The following MAGI2 variants were observed in gnomAD, a reference collection of about 807,000 sequenced individuals.
MAGI2 encodes membrane-associated guanylate kinase, WW and PDZ domain-containing protein 2.
MAGI2 carries 35 observed loss-of-function variants against 133.3 expected under a neutral mutation model. The ratio of observed to expected loss-of-function variants is 0.26; its 90% CI spans 0.20 to 0.35. The LOEUF is 0.35. MAGI2 is among the 10% of genes least tolerant of loss of function. The pLI is 1.00. For synonymous variants in MAGI2, 729 were observed against 710.6 expected (o/e 1.03, Z -0.41); for missense variants, 1,636 against 1,863.4 (o/e 0.88, Z 2.25).
intron 2 of MAGI2, among the ~76,000 whole-genome samples, chr7:78,991,485 A>T (rs1243235319): frequency 6.6e-6 from 1 of 151,868 alleles, no homozygotes; most frequent in Non-Finnish European, 1.5e-5. Flanking sequence ...TTATGTTCAG[A>T]TATATATGTC....
At chr7:78,066,159 C>G (rs750974214) in intron 21 of MAGI2, among the ~76,000 whole-genome samples, 1 of 152,032 alleles carries the variant, frequency 6.6e-6, no homozygotes, top group Non-Finnish European at 1.5e-5. Flanking sequence ...TAAAACTTTG[C>G]GTATTAAATT....
chr7:78,859,176 G>T (rs1261285898), intron 2 of MAGI2, among the ~76,000 whole-genome samples: 2 of 151,988 alleles, frequency 1.3e-5, no homozygotes, highest in Non-Finnish European at 2.9e-5. Context: ...ACACTGATGG[G>T]TATTCACTCT....
At chr7:78,535,894 C>T (rs1001028271) in intron 3 of MAGI2, among the ~76,000 whole-genome samples, 2 of 150,680 alleles carry the variant, frequency 1.3e-5, no homozygotes, top group Non-Finnish European at 3.0e-5. Context: ...CACCGCCTCC[C>T]CCCAACACTC....
At chr7:78,072,984 A>C (rs1814871670) in intron 21 of MAGI2, 1 of 398,552 alleles carries the variant, frequency 2.5e-6, no homozygotes, top group Non-Finnish European at 4.4e-6. Flanking sequence ...AAAGAAGAAT[A>C]AACAAATGAC....
At chr7:78,138,985 T>C (rs1822465905) in intron 16 of MAGI2, among the ~76,000 whole-genome samples, 1 of 152,336 alleles carries the variant, frequency 6.6e-6, no homozygotes, top group Non-Finnish European at 1.5e-5. Context: ...GACTTCAAGA[T>C]GAAAGTTTCA....
chr7:78,968,051 G>A (rs1039058176), intron 2 of MAGI2, among the ~76,000 whole-genome samples: 1 of 152,076 alleles, frequency 6.6e-6, no homozygotes, highest in South Asian at 2.1e-4. Context: ...GGCTGGTCTT[G>A]AACTCCTGAG....
At chr7:79,214,417 A>C (rs1352139486) in intron 1 of MAGI2, among the ~76,000 whole-genome samples, 190 of 115,336 alleles carry the variant, frequency 1.6e-3, no homozygotes, top group Middle Eastern at 4.2e-3. Context: ...CTATATATAT[A>C]TATATATATA....
chr7:78,877,773 C>A (rs376659608), intron 2 of MAGI2, among the ~76,000 whole-genome samples: 2 of 152,186 alleles, frequency 1.3e-5, no homozygotes, highest in African/African-American at 4.8e-5. Flanking sequence ...CATCTCTCCC[C>A]TCCACACTAT....
chr7:78,788,161 G>T (rs1826985632), intron 2 of MAGI2, among the ~76,000 whole-genome samples: 1 of 152,148 alleles, frequency 6.6e-6, no homozygotes, highest in Admixed American at 6.5e-5. Context: ...CCAATCACGT[G>T]CTTTGGGAAA....
chr7:79,324,886 A>G (rs1399389203), intron 1 of MAGI2, among the ~76,000 whole-genome samples: 1 of 151,008 alleles, frequency 6.6e-6, no homozygotes, highest in Non-Finnish European at 1.5e-5. Context: ...TATACAAAGA[A>G]ACAAACAAAA....
At chr7:78,064,933 CT>C (rs1213545990) in intron 21 of MAGI2, among the ~76,000 whole-genome samples, 1 of 151,984 alleles carries the variant, frequency 6.6e-6, no homozygotes, top group African/African-American at 2.4e-5. Context: ...GAGAATATTC[CT>C]TTTGAAACAG....
intron 1 of MAGI2, among the ~76,000 whole-genome samples, chr7:79,355,619 C>T (rs1009935780): frequency 1.3e-5 from 2 of 152,136 alleles, no homozygotes; most frequent in East Asian, 3.9e-4. Context: ...AGTTGCAGGG[C>T]CTTTCACACA....
At chr7:78,417,541 T>G (rs1798414855) in intron 6 of MAGI2, among the ~76,000 whole-genome samples, 1 of 152,162 alleles carries the variant, frequency 6.6e-6, no homozygotes, top group African/African-American at 2.4e-5. Context: ...TTTATTTTCA[T>G]GTTTGTTTCC....
At chr7:78,210,043 T>A (rs1046971114) in intron 10 of MAGI2, among the ~76,000 whole-genome samples, 3 of 152,218 alleles carry the variant, frequency 2.0e-5, no homozygotes, top group Non-Finnish European at 4.4e-5. Context: ...TCAAGTTTCC[T>A]TATTATAGTT....
intron 9 of MAGI2, among the ~76,000 whole-genome samples, chr7:78,293,270 C>G (rs893612583): frequency 3.3e-5 from 5 of 152,086 alleles, no homozygotes; most frequent in African/African-American, 1.2e-4. Context: ...GAAAAGTAGG[C>G]AAAGGATGTG....
chr7:78,950,948 T>C (rs1022332051), intron 2 of MAGI2, among the ~76,000 whole-genome samples: 2 of 151,376 alleles, frequency 1.3e-5, no homozygotes, highest in Non-Finnish European at 2.9e-5. Flanking sequence ...TGAGTCTTTG[T>C]CTCTCCCACC....
chr7:78,561,471 G>A (rs1419191476), intron 3 of MAGI2, among the ~76,000 whole-genome samples: 3 of 151,842 alleles, frequency 2.0e-5, no homozygotes, highest in Non-Finnish European at 2.9e-5. Flanking sequence ...AGGTGACAGC[G>A]AGAGATAGAT....
At chr7:79,293,153 T>C (rs1453338302) in intron 1 of MAGI2, among the ~76,000 whole-genome samples, 1 of 152,210 alleles carries the variant, frequency 6.6e-6, no homozygotes, top group Non-Finnish European at 1.5e-5. Flanking sequence ...GACCCTTTGT[T>C]TTCTATGTTC....
chr7:78,388,607 T>C (rs1323734038), intron 6 of MAGI2, among the ~76,000 whole-genome samples: 2 of 152,174 alleles, frequency 1.3e-5, no homozygotes, highest in African/African-American at 2.4e-5. Flanking sequence ...ATTTAGCTAA[T>C]TGTTAAATTG....
Sources: allele counts gnomAD v4.1 joint callset (sites outside exome capture counted in the v4.1 genomes callset), GRCh38; gene constraint gnomAD v4.1.1; transcripts MANE v1.5; gene names NCBI Gene and HGNC (gene_info 2026-07-23, HGNC 2026-07-21).